OCIAD1: variants seen among roughly 807,000 people sequenced by gnomAD.
OCIAD1 encodes OCIA domain-containing protein 1.
Under a neutral mutation model 38.9 loss-of-function variants are expected in OCIAD1, and 29 were observed. The observed-to-expected ratio is 0.74, with a 90% CI of 0.55 to 1.02. The LOEUF is 1.02. OCIAD1 is among the 50% of genes least tolerant of loss of function. OCIAD1 has a pLI of 0.00. For missense variants in OCIAD1, 288 were observed against 289.6 expected, an observed-to-expected ratio of 0.99 and a Z score of 0.04; for synonymous variants, 110 against 92.0, an observed-to-expected ratio of 1.20 and a Z score of -1.12.
intron 7 of OCIAD1, among the ~76,000 whole-genome samples, chr4:48,855,570 C>T (rs1292667111): frequency 6.6e-6 from 1 of 152,106 alleles, no homozygotes; most frequent in East Asian, 1.9e-4. Flanking sequence ...GTAATCCCAG[C>T]ACTTTGGGAG....
chr4:48,832,487 T>C (rs1777595881), intron 1 of OCIAD1, 133 bp from the exon 2 acceptor site: 4 of 700,806 alleles, frequency 5.7e-6, no homozygotes, highest in East Asian at 2.5e-5. Flanking sequence ...ACGTAAGATA[T>C]AGTAGTGTTT....
intron 1 of OCIAD1, 178 bp downstream of exon 1, chr4:48,831,427 T>A (rs1307189413): frequency 8.5e-7 from 1 of 1,176,776 alleles, no homozygotes; most frequent in African/African-American, 1.6e-5. Flanking sequence ...GGAGTGCTTC[T>A]GGGGGTGTGA....
At chr4:48,828,718 A>G (rs891333951), upstream of OCIAD1, among the ~76,000 whole-genome samples, 6 of 152,196 alleles carry the variant, frequency 3.9e-5, no homozygotes, top group African/African-American at 1.4e-4. Flanking sequence ...AGCCAGCAAG[A>G]CCACGAACCC....
chr4:48,838,679 T>C (rs568815691), intron 3 of OCIAD1, among the ~76,000 whole-genome samples: 1 of 152,236 alleles, frequency 6.6e-6, no homozygotes. Context: ...TTGGAGAGTA[T>C]CACCTTGGAT....
intron 1 of OCIAD1, among the ~76,000 whole-genome samples, chr4:48,814,323 C>G (rs548361506): frequency 3.4e-5 from 5 of 147,788 alleles, no homozygotes; most frequent in East Asian, 3.9e-4. Flanking sequence ...ATTCAGAAAG[C>G]CTTTTTTTTT....
rs1777619078 is a variant in OCIAD1, at chr4:48,832,683, G to GT, written c.58+2dup. On this transcript the variant is annotated splice_donor_variant, in intron 2 of 8. Coordinates refer to ENST00000264312, the MANE Select transcript of OCIAD1 (RefSeq NM_017830.4). LOFTEE classifies it high-confidence loss of function. ...GCAGAGGTTCCAAGACCAATTCCCCGTAACTATCTATTAAGTATTTATAAT... is the reference window on the plus strand; with the variant it reads ...GCAGAGGTTCCAAGACCAATTCCCCGTTAACTATCTATTAAGTATTTATAAT... 3 of 1,604,632 alleles carry GT rather than the reference G, an allele frequency of 1.9e-6. No individual in the cohort carries two copies. Among genetic ancestry groups the GT allele is most frequent in the South Asian group, 1.1e-5 (1 of 90,904 alleles).
chr4:48,852,987 A>G, intron 7 of OCIAD1, among the ~76,000 whole-genome samples: 1 of 144,656 alleles, frequency 6.9e-6, no homozygotes, highest in African/African-American at 2.6e-5. Context: ...GCTTCACGCC[A>G]TTCTGCCTCA....
chr4:48,828,253 A>T (rs1383056059), upstream of OCIAD1, among the ~76,000 whole-genome samples: 12 of 148,322 alleles, frequency 8.1e-5, no homozygotes, highest in Non-Finnish European at 1.6e-4. Flanking sequence ...AAGGATTGTA[A>T]ATGCACCAAT....
At chr4:48,834,834 CA>C (rs1400104325) in intron 3 of OCIAD1, among the ~76,000 whole-genome samples, 9 of 152,198 alleles carry the variant, frequency 5.9e-5, no homozygotes, top group Admixed American at 5.9e-4. Context: ...ATGTTTTCAT[CA>C]GTCAGCCTGA....
chr4:48,819,909 T>C (rs1044856056), intron 1 of OCIAD1, among the ~76,000 whole-genome samples: 3 of 151,968 alleles, frequency 2.0e-5, no homozygotes, highest in Admixed American at 2.0e-4. Flanking sequence ...AACAAGTTCT[T>C]AGAGACCTAC....
intron 4 of OCIAD1, among the ~76,000 whole-genome samples, chr4:48,843,230 C>T (rs1326494802): frequency 6.6e-6 from 1 of 152,060 alleles, no homozygotes; most frequent in Non-Finnish European, 1.5e-5. Context: ...TCTATTGGCT[C>T]AAATAGTACA....
chr4:48,856,175 A>G (rs566048935), intron 7 of OCIAD1: 1 of 152,204 alleles, frequency 6.6e-6, no homozygotes, highest in South Asian at 2.1e-4. Flanking sequence ...AGGAGTAACC[A>G]CTGCATTATA....
chr4:48,828,397 C>T (rs1406024623), upstream of OCIAD1, among the ~76,000 whole-genome samples: 7 of 152,146 alleles, frequency 4.6e-5, no homozygotes, highest in African/African-American at 1.4e-4. Context: ...GTGTGTGGGG[C>T]CAGATAAGGG....
chr4:48,835,106 GTATTTTCAGTAGAGACT>G (rs1777866060), intron 3 of OCIAD1, among the ~76,000 whole-genome samples: 3 of 152,064 alleles, frequency 2.0e-5, no homozygotes, highest in Non-Finnish European at 2.9e-5. Flanking sequence ...GCTAATTTTT[GTATTTTCAGTAGAGACT>G]GGGTTTCACT....
intron 1 of OCIAD1, among the ~76,000 whole-genome samples, chr4:48,819,716 CAAAAAAAAAAAAAAA>C (rs576081813): frequency 9.6e-5 from 1 of 10,446 alleles, no homozygotes; most frequent in Non-Finnish European, 1.8e-4. Context: ...TTACCAAGCG[CAAAAAAAAAAAAAAA>C]AAAAAAAAAA....
chr4:48,825,537 G>A (rs2109498654), intron 1 of OCIAD1, among the ~76,000 whole-genome samples: 1 of 152,274 alleles, frequency 6.6e-6, no homozygotes, highest in African/African-American at 2.4e-5. Context: ...GGGTACATAG[G>A]AATACCATTA....
At chr4:48,843,126 G>A (rs565283950) in intron 4 of OCIAD1, among the ~76,000 whole-genome samples, 2 of 152,218 alleles carry the variant, frequency 1.3e-5, no homozygotes, top group South Asian at 2.1e-4. Context: ...GATGAGTGGC[G>A]GTGAGTTAGC....
chr4:48,850,213 T>A, intron 6 of OCIAD1, 131 bp downstream of exon 6: 1 of 903,684 alleles, frequency 1.1e-6, no homozygotes, highest in Non-Finnish European at 1.7e-6. Flanking sequence ...AGGCTAAAAG[T>A]AATTTGCTTC....
intron 1 of OCIAD1, among the ~76,000 whole-genome samples, chr4:48,831,876 C>T (rs1338904423): frequency 6.6e-6 from 1 of 152,082 alleles, no homozygotes. Context: ...TTTCCTGTTT[C>T]CATGCAAATT....
Sources: allele counts gnomAD v4.1 joint callset (sites outside exome capture counted in the v4.1 genomes callset), GRCh38; gene constraint gnomAD v4.1.1; transcripts MANE v1.5; gene names NCBI Gene and HGNC (gene_info 2026-07-23, HGNC 2026-07-21).